Variants in STK32B observed in about 807,000 individuals in gnomAD.
STK32B encodes the protein serine/threonine-protein kinase 32B.
STK32B carries 43 observed loss-of-function variants against 52.6 expected under a neutral mutation model. The observed-to-expected ratio is 0.82, with a 90% CI of 0.64 to 1.05. STK32B has a LOEUF of 1.05. Ranked by LOEUF, STK32B falls within the 50% of genes least tolerant of loss-of-function variation. The probability of loss-of-function intolerance (pLI) is 0.00; values close to 1 mark genes in which losing one functional copy is unlikely to be tolerated. For missense variants in STK32B, 621 were observed against 534.6 expected (o/e 1.16, Z -1.59); for synonymous variants, 238 against 204.3 (o/e 1.17, Z -1.41).
At chr4:5,031,713 C>T in the STK32B span, among the ~76,000 whole-genome samples, 1 of 152,152 alleles carries the variant, frequency 6.6e-6, no homozygotes, top group South Asian at 2.1e-4. Flanking sequence ...AGAAGCTGCA[C>T]GTTACAGAGG....
chr4:5,126,038 C>T (rs965428277), intron 1 of STK32B, among the ~76,000 whole-genome samples: 1 of 152,150 alleles, frequency 6.6e-6, no homozygotes, highest in African/African-American at 2.4e-5. Flanking sequence ...ATTGCTTCTA[C>T]ACCTCGGTCA....
chr4:5,423,014 G>A (rs195098), intron 6 of STK32B, among the ~76,000 whole-genome samples: 72,580 of 151,868 alleles, frequency 0.48, 18,369 homozygotes, highest in Middle Eastern at 0.71. Context: ...TGCAGCTTCT[G>A]GGACAAGAGG....
At chr4:5,295,638 A>G (rs1300507998) in intron 3 of STK32B, among the ~76,000 whole-genome samples, 3 of 151,994 alleles carry the variant, frequency 2.0e-5, no homozygotes, top group Non-Finnish European at 2.9e-5. Context: ...ATCATTTTTC[A>G]TTGTATCTAT....
intron 3 of STK32B, among the ~76,000 whole-genome samples, chr4:5,275,090 C>T (rs1011245886): frequency 2.0e-5 from 3 of 152,330 alleles, no homozygotes; most frequent in Admixed American, 1.3e-4. Context: ...GGCCAAGAAC[C>T]CCAGGTCAGA....
rs369153506 is a variant in STK32B, at chr4:5,376,456, G to T, written c.435-21751G>T. On this transcript the variant is annotated intron_variant, in intron 4 of 11. Coordinates refer to ENST00000282908, the MANE Select transcript of STK32B (RefSeq NM_018401.3). Reference sequence around the variant, plus strand: ...TCTCCCTCTCATTGCTCCCATTTTGGCCTAGGCGTCCACCTGCCAGACAGC... The same window carrying T: ...TCTCCCTCTCATTGCTCCCATTTTGTCCTAGGCGTCCACCTGCCAGACAGC... Among the ~76,000 whole-genome samples the T allele has an allele frequency of 9.3e-5, 14 of 150,926 alleles. No homozygotes were observed. In the East Asian group the frequency reaches 9.9e-4, roughly 11 times the overall value.
At chr4:5,479,559 T>C (rs1242945766) in intron 11 of STK32B, among the ~76,000 whole-genome samples, 4 of 152,306 alleles carry the variant, frequency 2.6e-5, no homozygotes, top group African/African-American at 9.6e-5. Context: ...AGCAGATTTC[T>C]CCATTTCAAT....
chr4:5,020,056 C>G, the STK32B span, among the ~76,000 whole-genome samples: 6 of 152,254 alleles, frequency 3.9e-5, no homozygotes, highest in East Asian at 1.9e-4. Flanking sequence ...TCTCTCGGTC[C>G]GGAGGATGGG....
At chr4:5,461,704 C>T (rs1717037936) in intron 9 of STK32B, among the ~76,000 whole-genome samples, 4 of 152,224 alleles carry the variant, frequency 2.6e-5, no homozygotes, top group South Asian at 4.1e-4. Flanking sequence ...CCACTTCCCT[C>T]GCAGGCAGGG....
At chr4:5,442,856 A>G (rs1714928897) in intron 6 of STK32B, among the ~76,000 whole-genome samples, 1 of 152,048 alleles carries the variant, frequency 6.6e-6, no homozygotes, top group Non-Finnish European at 1.5e-5. Flanking sequence ...TTTCTCCTTC[A>G]CTGATGAAGC....
chr4:5,421,076 C>CTTGTTT (rs10522352), intron 6 of STK32B, among the ~76,000 whole-genome samples: 4 of 143,198 alleles, frequency 2.8e-5, no homozygotes, highest in Admixed American at 1.4e-4. Flanking sequence ...ATTTTTGTAT[C>CTTGTTT]TTGTTTTTGT....
intron 3 of STK32B, among the ~76,000 whole-genome samples, chr4:5,224,811 T>A (rs1241863233): frequency 6.6e-6 from 1 of 152,124 alleles, no homozygotes; most frequent in South Asian, 2.1e-4. Flanking sequence ...TATTAACTTA[T>A]AGAGTTGATA....
chr4:5,342,137 T>G (rs961502666), intron 4 of STK32B, among the ~76,000 whole-genome samples: 5 of 152,162 alleles, frequency 3.3e-5, no homozygotes, highest in African/African-American at 1.2e-4. Context: ...GAAGACAGTG[T>G]GGCGATTCCT....
intron 3 of STK32B, among the ~76,000 whole-genome samples, chr4:5,241,674 C>G (rs1367534735): frequency 6.6e-6 from 1 of 151,936 alleles, no homozygotes; most frequent in Non-Finnish European, 1.5e-5. Flanking sequence ...GTGCTGCACC[C>G]ATTAACTCAT....
chr4:5,454,083 AT>A (rs1251754451), intron 7 of STK32B, among the ~76,000 whole-genome samples: 5 of 151,904 alleles, frequency 3.3e-5, no homozygotes, highest in African/African-American at 1.2e-4. Context: ...ACCTCTCTTT[AT>A]TGCCCATCTC....
chr4:5,263,757 T>A (rs1311330043), intron 3 of STK32B, among the ~76,000 whole-genome samples: 1 of 152,354 alleles, frequency 6.6e-6, no homozygotes, highest in East Asian at 1.9e-4. Flanking sequence ...GGTACTCTTA[T>A]AACTCACACT....
chr4:5,407,382 G>T (rs1162986430), intron 5 of STK32B, among the ~76,000 whole-genome samples: 1 of 152,004 alleles, frequency 6.6e-6, no homozygotes, highest in African/African-American at 2.4e-5. Flanking sequence ...TCCAACCTCT[G>T]CCAGTTACCC....
chr4:5,263,850 TC>T (rs1180266287), intron 3 of STK32B, among the ~76,000 whole-genome samples: 1 of 152,198 alleles, frequency 6.6e-6, no homozygotes, highest in Non-Finnish European at 1.5e-5. Context: ...ATCACTGCCT[TC>T]CAGGAAACCA....
chr4:5,386,275 A>G lies in STK32B; in HGVS notation c.435-11932A>G, dbSNP rs1319275420. On this transcript the variant is annotated intron_variant, in intron 4 of 11. Transcript: ENST00000282908. The surrounding 1 kb of genome is among the most constrained non-coding windows in gnomAD (Gnocchi z 4.5). ...TCTCTTGTTTTCTTAGCTCCTGGGT[A>G]AGCTCCAGAAGGCAGGTCTCAGTAA... 1.3e-5 allele frequency among the ~76,000 whole-genome samples: 2 copies of G among 152,028 alleles called. No individual in the cohort carries two copies. Among genetic ancestry groups the G allele is most frequent in the Non-Finnish European group, 2.9e-5 (2 of 68,032 alleles).
chr4:5,166,861 G>C (rs1718909236), intron 2 of STK32B, among the ~76,000 whole-genome samples: 1 of 152,176 alleles, frequency 6.6e-6, no homozygotes. Context: ...AACCGTCCAA[G>C]GAACCAATAC....
Sources: gnomAD v4.1 joint callset for allele counts (sites outside exome capture counted in the v4.1 genomes callset) on GRCh38, gnomAD v4.1.1 for gene constraint, Gnocchi (gnomAD v3.1) non-coding constraint, MANE v1.5 for transcripts, NCBI Gene and HGNC (gene_info 2026-07-23, HGNC 2026-07-21) for gene names.